The following MYO18B variants were observed in gnomAD, a reference collection of about 807,000 sequenced individuals.
MYO18B encodes unconventional myosin-XVIIIb.
MYO18B carries 204 observed loss-of-function variants against 273.0 expected under a neutral mutation model. The observed-to-expected ratio is 0.75, with a 90% CI of 0.67 to 0.84. The LOEUF (loss-of-function observed/expected upper bound fraction) is 0.84, where lower values mean the gene tolerates loss of function less well. MYO18B is among the 40% of genes least tolerant of loss of function. The probability of loss-of-function intolerance (pLI) is 0.00; values close to 1 mark genes in which losing one functional copy is unlikely to be tolerated. For synonymous variants in MYO18B, 1,330 were observed against 1,305.7 expected (o/e 1.02, Z -0.40); for missense variants, 3,212 against 3,287.6 (o/e 0.98, Z 0.56).
Position 25,769,060 on chromosome 22 carries a change from A to C in MYO18B, c.1144A>C (p.Thr382Pro). 6.2e-7 allele frequency: 1 copy of C among 1,612,626 alleles called. No homozygotes were observed. Among genetic ancestry groups the C allele is most frequent in the Non-Finnish European group, 8.5e-7 (1 of 1,179,286 alleles). ...GAAAGCAGGTGAGCTTCGGAGCACG[A>C]CTGGGAAGGCAGGTGAGTCCTGGGA... ...GEKAGELRST[T>P]GKAGESWDKK... The change falls in exon 4 of 44, where the codon ACT becomes CCT. Residue 382 changes from threonine to proline, a missense_variant. Transcript: ENST00000335473.
intron 23 of MYO18B, among the ~76,000 whole-genome samples, chr22:25,875,048 G>T (rs1309885646): frequency 6.6e-6 from 1 of 152,224 alleles, no homozygotes; most frequent in Non-Finnish European, 1.5e-5. Context: ...GAGTCTTGTT[G>T]TATGTGCCTC....
At chr22:26,061,010 C>CACATACCACATATGCACACACAT in the MYO18B span, among the ~76,000 whole-genome samples, 4 of 100,708 alleles carry the variant, frequency 4.0e-5, no homozygotes, top group African/African-American at 3.6e-4. Flanking sequence ...CACACATACA[C>CACATACCACATATGCACACACAT]ACACACACAC....
chr22:25,995,320 C>T (rs1363954863), intron 40 of MYO18B, among the ~76,000 whole-genome samples: 1 of 152,156 alleles, frequency 6.6e-6, no homozygotes, highest in Middle Eastern at 3.4e-3. Context: ...ATGAATAAGG[C>T]CTGGTATTTA....
chr22:25,881,230 T>C (rs918711022), intron 25 of MYO18B, among the ~76,000 whole-genome samples: 1 of 152,206 alleles, frequency 6.6e-6, no homozygotes, highest in Admixed American at 6.5e-5. Context: ...CTCCCCACAT[T>C]AAAGTGTCAA....
chr22:25,743,404 G>T (rs555972240), intron 1 of MYO18B, among the ~76,000 whole-genome samples: 1 of 152,222 alleles, frequency 6.6e-6, no homozygotes, highest in South Asian at 2.1e-4. Flanking sequence ...AGAAAAGAGA[G>T]GGGTCTATAT....
intron 40 of MYO18B, among the ~76,000 whole-genome samples, chr22:25,997,001 G>A (rs910758028): frequency 2.0e-5 from 3 of 152,108 alleles, no homozygotes; most frequent in Non-Finnish European, 4.4e-5. Context: ...GATTGGCCAC[G>A]TCATTTGTAG....
chr22:25,892,917 A>G (rs2091700407), intron 27 of MYO18B, among the ~76,000 whole-genome samples: 1 of 152,138 alleles, frequency 6.6e-6, no homozygotes, highest in Non-Finnish European at 1.5e-5. Flanking sequence ...TTCATGTCTA[A>G]ATAATGCTTC....
chr22:25,891,450 G>C, intron 27 of MYO18B, 38 bp downstream of exon 27: 3 of 1,347,060 alleles, frequency 2.2e-6, no homozygotes, highest in Non-Finnish European at 3.1e-6. Context: ...GAAGGTGATG[G>C]ACAAAGTTGT....
chr22:25,859,973 C>T (rs889428016), intron 21 of MYO18B, among the ~76,000 whole-genome samples: 16 of 152,148 alleles, frequency 1.1e-4, no homozygotes, highest in East Asian at 9.6e-4. Flanking sequence ...TTAGCTCCTC[C>T]GTGTAGACAT....
the MYO18B span, among the ~76,000 whole-genome samples, chr22:26,063,035 C>T: frequency 5.9e-5 from 9 of 152,200 alleles, no homozygotes; most frequent in Non-Finnish European, 1.0e-4. Context: ...CACTGTGCCT[C>T]TTCTTAAATT....
At chr22:25,976,428 A>G (rs943025817) in intron 39 of MYO18B, among the ~76,000 whole-genome samples, 6 of 152,194 alleles carry the variant, frequency 3.9e-5, no homozygotes, top group Non-Finnish European at 7.3e-5. Flanking sequence ...TATGCAATCA[A>G]TAGGTGGAAC....
intron 1 of MYO18B, among the ~76,000 whole-genome samples, chr22:25,743,491 A>G (rs2085688869): frequency 1.3e-5 from 2 of 151,798 alleles, no homozygotes; most frequent in Non-Finnish European, 2.9e-5. Context: ...GAGGAGGAGA[A>G]GGAGAAGAAG....
the MYO18B span, among the ~76,000 whole-genome samples, chr22:26,058,959 TATTA>T: frequency 6.6e-6 from 1 of 152,146 alleles, no homozygotes; most frequent in Non-Finnish European, 1.5e-5. Flanking sequence ...AGGTTAAAAG[TATTA>T]ATTTGTTGCA....
chr22:25,851,372 A>G, intron 20 of MYO18B, 98 bp from the exon 21 acceptor site: 1 of 770,706 alleles, frequency 1.3e-6, no homozygotes, highest in Non-Finnish European at 2.2e-6. Flanking sequence ...CAGGCTAGGA[A>G]GCAGGACCCT....
intron 42 of MYO18B, among the ~76,000 whole-genome samples, chr22:26,017,025 T>TTTCCTTCCTTCCTTCC (rs59617056): frequency 2.8e-4 from 35 of 124,238 alleles, no homozygotes; most frequent in African/African-American, 9.7e-4. Flanking sequence ...ATTAGGCTAA[T>TTTCCTTCCTTCCTTCC]TTCCTTCCTT....
At chr22:26,040,554 T>C in the MYO18B span, among the ~76,000 whole-genome samples, 3,007 of 152,254 alleles carry the variant, frequency 0.02, 213 homozygotes, top group Admixed American at 0.13. Context: ...AAAATAAAGC[T>C]GTAGAAGGGA....
the MYO18B span, among the ~76,000 whole-genome samples, chr22:26,057,179 G>T: frequency 6.6e-6 from 1 of 151,918 alleles, no homozygotes; most frequent in Non-Finnish European, 1.5e-5. Context: ...TGTTCTAAAG[G>T]ATGCAGCCAG....
At chr22:25,942,794 T>C (rs954045474) in intron 34 of MYO18B, among the ~76,000 whole-genome samples, 1 of 152,098 alleles carries the variant, frequency 6.6e-6, no homozygotes, top group South Asian at 2.1e-4. Context: ...AGGGCCAAGA[T>C]AATCCTATCT....
intron 3 of MYO18B, among the ~76,000 whole-genome samples, chr22:25,767,474 A>G (rs1017638829): frequency 6.6e-5 from 10 of 152,174 alleles, no homozygotes; most frequent in Non-Finnish European, 1.5e-4. Context: ...TCATCCTATA[A>G]AAGATCTGGA....
Sources: gnomAD v4.1 joint callset for allele counts (sites outside exome capture counted in the v4.1 genomes callset) on GRCh38, gnomAD v4.1.1 for gene constraint, MANE v1.5 for transcripts, NCBI Gene and HGNC (gene_info 2026-07-23, HGNC 2026-07-21) for gene names.